The following ST6GALNAC3 variants were observed in gnomAD, a reference collection of about 807,000 sequenced individuals.
ST6GALNAC3 encodes the protein ST6 N-acetylgalactosaminide alpha-2,6-sialyltransferase 3.
In ST6GALNAC3, 25 loss-of-function variants were observed where a neutral mutation model predicts 32.7. That is an observed-to-expected ratio of 0.76 (90% CI 0.56 to 1.07). The LOEUF is 1.07. ST6GALNAC3 is among the 50% of genes least tolerant of loss of function. The pLI, the probability that ST6GALNAC3 is intolerant of heterozygous loss-of-function variation, is 0.00. For synonymous variants in ST6GALNAC3, 129 were observed against 133.1 expected (o/e 0.97, Z 0.21); for missense variants, 355 against 382.4 (o/e 0.93, Z 0.60).
At chr1:76,085,835 C>T (rs1287179983) in intron 1 of ST6GALNAC3, among the ~76,000 whole-genome samples, 2 of 152,264 alleles carry the variant, frequency 1.3e-5, no homozygotes, top group Non-Finnish European at 1.5e-5. Context: ...CCCATGCATT[C>T]CCCAAAAGAA....
At chr1:76,587,837 C>T (rs372997651) in intron 3 of ST6GALNAC3, among the ~76,000 whole-genome samples, 9 of 152,090 alleles carry the variant, frequency 5.9e-5, no homozygotes, top group South Asian at 2.1e-4. Context: ...GTGAGTGGGA[C>T]GCTCAGGTTA....
rs137968480 is a variant in ST6GALNAC3, at chr1:76,313,979, A to C, written c.193A>C (p.Ile65Leu). The C allele has an allele frequency of 4.3e-6, 7 of 1,612,440 alleles. No individual in the cohort carries two copies. The African/African-American group carries it at 9.4e-5, about 22-fold the overall frequency. Reference sequence around the variant, plus strand: ...GCCCCTTCGAACTCACTATGGATACATAAATGTGAAGACACAAGAGGTAAG... The same window carrying C: ...GCCCCTTCGAACTCACTATGGATACCTAAATGTGAAGACACAAGAGGTAAG... ...RRPLRTHYGY[I>L]NVKTQEPLQL... The change falls in exon 2 of 5, where the codon ATA becomes CTA. Residue 65 changes from isoleucine to leucine, a missense_variant. Ile to Leu is a conservative substitution (Grantham distance 5, BLOSUM62 2). Transcript: ENST00000328299.
At chr1:76,562,142 T>C (rs1665280596) in intron 3 of ST6GALNAC3, among the ~76,000 whole-genome samples, 1 of 152,274 alleles carries the variant, frequency 6.6e-6, no homozygotes, top group South Asian at 2.1e-4. Context: ...GTGTTTCTCC[T>C]TGGGCTGATG....
intron 3 of ST6GALNAC3, among the ~76,000 whole-genome samples, chr1:76,602,454 C>T (rs1166104094): frequency 6.6e-6 from 1 of 151,804 alleles, no homozygotes; most frequent in African/African-American, 2.4e-5. Context: ...GGAATAGGAG[C>T]AGGAAAGGCA....
At chr1:76,479,581 G>T (rs748837655) in intron 3 of ST6GALNAC3, among the ~76,000 whole-genome samples, 11 of 152,250 alleles carry the variant, frequency 7.2e-5, no homozygotes, top group Non-Finnish European at 1.6e-4. Context: ...CATGCGCAAG[G>T]GTGGGATAGA....
intron 3 of ST6GALNAC3, among the ~76,000 whole-genome samples, chr1:76,450,534 G>A (rs183521778): frequency 1.3e-3 from 197 of 151,942 alleles, no homozygotes; most frequent in African/African-American, 4.5e-3. Context: ...TTTACTGATT[G>A]TTACTTTTTC....
intron 2 of ST6GALNAC3, among the ~76,000 whole-genome samples, chr1:76,340,236 G>A (rs983483759): frequency 2.2e-4 from 34 of 152,220 alleles, no homozygotes; most frequent in Non-Finnish European, 3.8e-4. Context: ...ATATAAAAGC[G>A]AAAGGGAAAT....
At chr1:76,140,075 G>C (rs950058198) in intron 1 of ST6GALNAC3, among the ~76,000 whole-genome samples, 4 of 152,104 alleles carry the variant, frequency 2.6e-5, no homozygotes, top group Non-Finnish European at 4.4e-5. Context: ...GTGAAATCTA[G>C]GTTCTGGAAC....
chr1:76,470,152 T>G (rs902852467), intron 3 of ST6GALNAC3, among the ~76,000 whole-genome samples: 1 of 152,122 alleles, frequency 6.6e-6, no homozygotes, highest in Non-Finnish European at 1.5e-5. Flanking sequence ...TGATATAATT[T>G]TTTTTTAATT....
intron 1 of ST6GALNAC3, among the ~76,000 whole-genome samples, chr1:76,205,527 G>T (rs1451285682): frequency 6.6e-6 from 1 of 152,138 alleles, no homozygotes; most frequent in Non-Finnish European, 1.5e-5. Context: ...TGACATTCCA[G>T]CTGGACACCT....
Position 76,456,786 on chromosome 1 carries a change from C to T in ST6GALNAC3, c.623+44369C>T, listed in dbSNP as rs573079375. Among the ~76,000 whole-genome samples, 290 of 152,264 alleles carry T rather than the reference C, an allele frequency of 1.9e-3. 1 individual carries two copies. Among genetic ancestry groups the T allele is most frequent in the African/African-American group, 6.7e-3 (280 of 41,556 alleles). On this transcript the variant is annotated intron_variant, in intron 3 of 4. Coordinates refer to ENST00000328299, the MANE Select transcript of ST6GALNAC3 (RefSeq NM_152996.4). ...AAACTGGAAGCATTCCCTTTGAAAA[C>T]TGGCACAAGACAGGGATGCCCTCTC...
intron 1 of ST6GALNAC3, among the ~76,000 whole-genome samples, chr1:76,243,220 T>C (rs1430536183): frequency 6.6e-6 from 1 of 152,270 alleles, no homozygotes; most frequent in Non-Finnish European, 1.5e-5. Flanking sequence ...ATGAGCTTTT[T>C]TTCATATGTT....
At chr1:76,113,501 C>CT (rs35035784) in intron 1 of ST6GALNAC3, among the ~76,000 whole-genome samples, 46,383 of 151,022 alleles carry the variant, frequency 0.31, 8,930 homozygotes, top group East Asian at 0.78. Flanking sequence ...TTCTTACATA[C>CT]TTTTTTTTGG....
intron 1 of ST6GALNAC3, among the ~76,000 whole-genome samples, chr1:76,278,241 G>C (rs1416245913): frequency 1.0e-5 from 1 of 98,068 alleles, no homozygotes; most frequent in Non-Finnish European, 1.7e-5. Flanking sequence ...TTTTTTTTGA[G>C]ATGGAGTCTC....
chr1:76,241,386 T>C (rs865890134), intron 1 of ST6GALNAC3, among the ~76,000 whole-genome samples: 7 of 152,170 alleles, frequency 4.6e-5, no homozygotes, highest in African/African-American at 1.7e-4. Context: ...TGTGCAGAGA[T>C]CACATAGTGA....
chr1:76,563,621 A>C (rs1436111626), intron 3 of ST6GALNAC3, among the ~76,000 whole-genome samples: 1 of 152,212 alleles, frequency 6.6e-6, no homozygotes, highest in Non-Finnish European at 1.5e-5. Context: ...AAGTTATTTT[A>C]CATTAAATTA....
At chr1:76,260,875 C>T (rs141275985) in intron 1 of ST6GALNAC3, among the ~76,000 whole-genome samples, 5 of 151,900 alleles carry the variant, frequency 3.3e-5, no homozygotes, top group African/African-American at 7.2e-5. Flanking sequence ...GGACATCCGT[C>T]CAAGTTAATA....
intron 1 of ST6GALNAC3, among the ~76,000 whole-genome samples, chr1:76,253,837 G>A (rs1657763763): frequency 2.0e-5 from 3 of 152,044 alleles, no homozygotes; most frequent in African/African-American, 7.2e-5. Context: ...GGGTAGTTGG[G>A]CACAATCAAT....
downstream of ST6GALNAC3, among the ~76,000 whole-genome samples, chr1:76,635,882 G>A (rs779048318): frequency 1.3e-5 from 2 of 152,178 alleles, no homozygotes; most frequent in Non-Finnish European, 2.9e-5. Context: ...CTATTGGCCA[G>A]CCTCACTCGC....
Sources: gnomAD v4.1 joint callset for allele counts (sites outside exome capture counted in the v4.1 genomes callset) on GRCh38, gnomAD v4.1.1 for gene constraint, MANE v1.5 for transcripts, NCBI Gene and HGNC (gene_info 2026-07-23, HGNC 2026-07-21) for gene names.